OXR1: variants seen among roughly 807,000 people sequenced by gnomAD.
OXR1 encodes oxidation resistance protein 1.
A neutral mutation model predicts 104.6 loss-of-function variants in OXR1; 41 were observed. The observed-to-expected ratio is 0.39, with a 90% CI of 0.31 to 0.51. The LOEUF (loss-of-function observed/expected upper bound fraction) is 0.51, where lower values mean the gene tolerates loss of function less well. Among genes scored for constraint, OXR1 ranks in the 20% least tolerant of loss-of-function variants. The pLI, the probability that OXR1 is intolerant of heterozygous loss-of-function variation, is 0.77. For missense variants in OXR1, 955 were observed against 1,031.9 expected, an observed-to-expected ratio of 0.93 and a Z score of 1.02; for synonymous variants, 348 against 348.4, an observed-to-expected ratio of 1.00 and a Z score of 0.01.
chr8:106,301,128 A>C (rs1264294311), intron 1 of OXR1, among the ~76,000 whole-genome samples: 2 of 152,226 alleles, frequency 1.3e-5, no homozygotes, highest in Non-Finnish European at 2.9e-5. Flanking sequence ...TTTGGGGGGC[A>C]TAACTGTAAA....
At chr8:106,271,571 T>A (rs945007750) in intron 1 of OXR1, 2 of 152,240 alleles carry the variant, frequency 1.3e-5, no homozygotes, top group Non-Finnish European at 2.9e-5. Flanking sequence ...CGCGTGTGCA[T>A]GTTTCCGGCC....
intron 2 of OXR1, among the ~76,000 whole-genome samples, chr8:106,379,622 C>G (rs1817058512): frequency 6.8e-6 from 1 of 147,516 alleles, no homozygotes; most frequent in South Asian, 2.2e-4. Flanking sequence ...ACTGCAACCT[C>G]CGCCTCCCAG....
At chr8:106,310,226 T>C (rs1349075254) in intron 1 of OXR1, among the ~76,000 whole-genome samples, 1 of 122,102 alleles carries the variant, frequency 8.2e-6, no homozygotes, top group Admixed American at 8.1e-5. Context: ...ACAGTTCCTG[T>C]GACCTTTTTT....
chr8:106,356,700 TTAAAAAAAG>T (rs1815987724), intron 1 of OXR1, among the ~76,000 whole-genome samples: 1 of 148,544 alleles, frequency 6.7e-6, no homozygotes, highest in Non-Finnish European at 1.5e-5. Context: ...GTGTGCTTAT[TTAAAAAAAG>T]GTTAAAATTG....
chr8:106,321,184 C>A (rs1814199158), intron 1 of OXR1, among the ~76,000 whole-genome samples: 1 of 152,110 alleles, frequency 6.6e-6, no homozygotes, highest in East Asian at 1.9e-4. Context: ...AATTTGAAAT[C>A]ACAATTTAAC....
At chr8:106,614,268 C>T (rs570814256) in intron 3 of OXR1, among the ~76,000 whole-genome samples, 1 of 152,270 alleles carries the variant, frequency 6.6e-6, no homozygotes, top group African/African-American at 2.4e-5. Context: ...ATTATATTCT[C>T]AAGCACATTT....
chr8:106,497,073 A>T (rs138845766), intron 2 of OXR1, among the ~76,000 whole-genome samples: 1 of 152,196 alleles, frequency 6.6e-6, no homozygotes, highest in South Asian at 2.1e-4. Context: ...TCAGTGTTAG[A>T]TTTAAGTTGA....
At chr8:106,423,697 T>C (rs1818993546) in intron 2 of OXR1, among the ~76,000 whole-genome samples, 1 of 152,188 alleles carries the variant, frequency 6.6e-6, no homozygotes, top group African/African-American at 2.4e-5. Context: ...TTTGTGCACG[T>C]GGGCAGTATT....
At chr8:106,448,716 A>T (rs1820142388) in intron 2 of OXR1, among the ~76,000 whole-genome samples, 1 of 152,160 alleles carries the variant, frequency 6.6e-6, no homozygotes, top group Non-Finnish European at 1.5e-5. Context: ...AATAGGCCTC[A>T]TTGCCCTTGG....
At chr8:106,494,176 G>A (rs1250411739) in intron 2 of OXR1, among the ~76,000 whole-genome samples, 1 of 152,100 alleles carries the variant, frequency 6.6e-6, no homozygotes, top group Non-Finnish European at 1.5e-5. Context: ...GGACCAGAAG[G>A]CACCTTTCAC....
intron 2 of OXR1, among the ~76,000 whole-genome samples, chr8:106,379,346 A>C (rs1817037417): frequency 6.6e-6 from 1 of 152,022 alleles, no homozygotes; most frequent in African/African-American, 2.4e-5. Context: ...TCTTTCTGAT[A>C]ATATTAACTA....
intron 2 of OXR1, among the ~76,000 whole-genome samples, chr8:106,400,314 C>A (rs932240135): frequency 4.6e-5 from 7 of 152,240 alleles, no homozygotes; most frequent in African/African-American, 1.4e-4. Flanking sequence ...CCAAGCAGTG[C>A]ATAGTAGATG....
intron 3 of OXR1, among the ~76,000 whole-genome samples, chr8:106,554,753 C>T (rs941208910): frequency 1.3e-5 from 2 of 152,150 alleles, no homozygotes; most frequent in African/African-American, 4.8e-5. Flanking sequence ...AGAACCAGTG[C>T]TCTAAGCCAA....
intron 1 of OXR1, among the ~76,000 whole-genome samples, chr8:106,282,391 G>T (rs149446409): frequency 6.8e-4 from 104 of 152,228 alleles, no homozygotes; most frequent in African/African-American, 2.5e-3. Context: ...TATTAGACCT[G>T]CTGTTAGAAC....
intron 1 of OXR1, among the ~76,000 whole-genome samples, chr8:106,301,889 C>G (rs573853876): frequency 6.6e-6 from 1 of 151,872 alleles, no homozygotes; most frequent in Non-Finnish European, 1.5e-5. Flanking sequence ...AAATAAAAAC[C>G]CTTTTAGGAA....
At chr8:106,349,765 G>T (rs1012905866) in intron 1 of OXR1, among the ~76,000 whole-genome samples, 4 of 152,178 alleles carry the variant, frequency 2.6e-5, no homozygotes, top group African/African-American at 9.7e-5. Context: ...AGAGGGAAAG[G>T]AAAGGGATGG....
chr8:106,446,721 A>T (rs1285923221), intron 2 of OXR1, among the ~76,000 whole-genome samples: 1 of 151,996 alleles, frequency 6.6e-6, no homozygotes, highest in Non-Finnish European at 1.5e-5. Context: ...GCTTAGGGCC[A>T]GGAGTTCAAG....
At chr8:106,434,564 A>T (rs1211289328) in intron 2 of OXR1, among the ~76,000 whole-genome samples, 1 of 151,672 alleles carries the variant, frequency 6.6e-6, no homozygotes, top group African/African-American at 2.4e-5. Context: ...AACAGATAAG[A>T]AAAAAAATTA....
At chr8:106,688,154 C>G (rs889769149) in intron 6 of OXR1, among the ~76,000 whole-genome samples, 4 of 151,958 alleles carry the variant, frequency 2.6e-5, no homozygotes, top group African/African-American at 4.8e-5. Flanking sequence ...TATGCTAATG[C>G]CATTTTAGGG....
Sources: allele counts gnomAD v4.1 joint callset (sites outside exome capture counted in the v4.1 genomes callset), GRCh38; gene constraint gnomAD v4.1.1; transcripts MANE v1.5; gene names NCBI Gene and HGNC (gene_info 2026-07-23, HGNC 2026-07-21).